EIPR1: variants seen among roughly 807,000 people sequenced by gnomAD.
EIPR1 encodes EARP and GARP complex-interacting protein 1.
Under a neutral mutation model 48.1 loss-of-function variants are expected in EIPR1, and 25 were observed. The ratio of observed to expected loss-of-function variants is 0.52; its 90% CI spans 0.38 to 0.73. The LOEUF is 0.73. Ranked by LOEUF, EIPR1 falls within the 30% of genes least tolerant of loss-of-function variation. The pLI is 0.00. For synonymous variants in EIPR1, 204 were observed against 201.9 expected (o/e 1.01, Z -0.09); for missense variants, 415 against 506.2 (o/e 0.82, Z 1.73).
chr2:3,308,166 G>A (rs554438802), intron 3 of EIPR1, among the ~76,000 whole-genome samples: 9 of 152,194 alleles, frequency 5.9e-5, no homozygotes, highest in South Asian at 2.1e-4. Flanking sequence ...AACACAGCCC[G>A]TGGAAGAAGG....
intron 3 of EIPR1, among the ~76,000 whole-genome samples, chr2:3,294,136 T>C (rs1668455546): frequency 6.6e-6 from 1 of 152,120 alleles, no homozygotes; most frequent in Non-Finnish European, 1.5e-5. Context: ...GTAGAAGTAA[T>C]ATTGTTCATT....
intron 3 of EIPR1, among the ~76,000 whole-genome samples, chr2:3,274,064 G>A (rs1283781610): frequency 2.0e-5 from 3 of 152,128 alleles, no homozygotes; most frequent in Non-Finnish European, 4.4e-5. Context: ...AGAAATAACT[G>A]GTGAGAATTA....
At chr2:3,223,980 C>T (rs1207357919) in intron 4 of EIPR1, among the ~76,000 whole-genome samples, 1 of 152,228 alleles carries the variant, frequency 6.6e-6, no homozygotes, top group Non-Finnish European at 1.5e-5. Context: ...AGAGTAGTTA[C>T]ACCTCTCTAT....
intron 3 of EIPR1, among the ~76,000 whole-genome samples, chr2:3,272,357 T>C (rs1364736556): frequency 6.6e-6 from 1 of 152,236 alleles, no homozygotes; most frequent in Non-Finnish European, 1.5e-5. Flanking sequence ...AAGGCCCGGC[T>C]CTTGGTCTAC....
chr2:3,215,546 G>A (rs2123749), intron 4 of EIPR1, among the ~76,000 whole-genome samples: 148,401 of 152,350 alleles, frequency 0.97, 72,398 homozygotes, highest in East Asian at 1. Context: ...AGCCATAAAG[G>A]GACCAAGAAT....
chr2:3,250,402 A>ACCTAATG (rs1666966703), intron 4 of EIPR1, among the ~76,000 whole-genome samples: 2 of 152,190 alleles, frequency 1.3e-5, no homozygotes, highest in Non-Finnish European at 2.9e-5. Flanking sequence ...GAAAATGTTT[A>ACCTAATG]CCTAATGCCT....
At chr2:3,272,737 CA>C (rs1435271750) in intron 3 of EIPR1, among the ~76,000 whole-genome samples, 1 of 152,092 alleles carries the variant, frequency 6.6e-6, no homozygotes, top group Non-Finnish European at 1.5e-5. Context: ...CAAAATGTGC[CA>C]CAGAGTGGGA....
chr2:3,194,650 A>G (rs1307714572), intron 6 of EIPR1, among the ~76,000 whole-genome samples: 2 of 151,566 alleles, frequency 1.3e-5, no homozygotes, highest in Non-Finnish European at 2.9e-5. Flanking sequence ...ACAACACAAA[A>G]TATCTATCTA....
chr2:3,335,875 A>C (rs1425658509), intron 3 of EIPR1, among the ~76,000 whole-genome samples: 2 of 152,196 alleles, frequency 1.3e-5, no homozygotes, highest in Non-Finnish European at 2.9e-5. Flanking sequence ...AGCCCGCAGA[A>C]CTGTGAGTCC....
At chr2:3,280,338 G>A (rs927814108) in intron 3 of EIPR1, among the ~76,000 whole-genome samples, 17 of 152,306 alleles carry the variant, frequency 1.1e-4, no homozygotes, top group East Asian at 3.9e-4. Flanking sequence ...ACTCGGACCC[G>A]GTCTCCCAAC....
At chr2:3,349,218 C>G (rs1379369867) in intron 2 of EIPR1, among the ~76,000 whole-genome samples, 3 of 152,250 alleles carry the variant, frequency 2.0e-5, no homozygotes. Context: ...CTGCCACGCA[C>G]CAGCTCCACA....
At chr2:3,236,886 G>T (rs1475839792) in intron 4 of EIPR1, among the ~76,000 whole-genome samples, 1 of 152,192 alleles carries the variant, frequency 6.6e-6, no homozygotes, top group African/African-American at 2.4e-5. Flanking sequence ...CAATTTTCAG[G>T]AAGCTTGTTG....
intron 3 of EIPR1, among the ~76,000 whole-genome samples, chr2:3,306,281 CTCTTTTCCCCCCT>C (rs1349133502): frequency 6.6e-6 from 1 of 152,192 alleles, no homozygotes; most frequent in Non-Finnish European, 1.5e-5. Flanking sequence ...TGGATTTGTT[CTCTTTTCCCCCCT>C]TCTGTTTCCC....
intron 3 of EIPR1, among the ~76,000 whole-genome samples, chr2:3,268,386 A>G (rs1667557155): frequency 6.6e-6 from 1 of 152,106 alleles, no homozygotes; most frequent in African/African-American, 2.4e-5. Flanking sequence ...CCTCCTGCCA[A>G]TCCAGCGACT....
intron 5 of EIPR1, among the ~76,000 whole-genome samples, chr2:3,206,131 C>T (rs1027823300): frequency 6.6e-6 from 1 of 152,176 alleles, no homozygotes; most frequent in African/African-American, 2.4e-5. Flanking sequence ...GGAAGAGGAT[C>T]TTGGGAGGGC....
In EIPR1 at chr2:3,284,379, C is replaced by T. The variant is rs564435464; in HGVS notation, c.260-26924G>A. ...GGAGGCCGCCCACAGGCACAGAAGG[C>T]CGCGCCACGGCTGCACGTAAGCTGG... On this transcript the variant is annotated intron_variant, in intron 3 of 8. Coordinates refer to ENST00000382125, the MANE Select transcript of EIPR1 (RefSeq NM_003310.5). Among the ~76,000 whole-genome samples the T allele has an allele frequency of 8.9e-5, 12 of 134,652 alleles. No individual in the cohort carries two copies. In the South Asian group the frequency reaches 3.2e-3, roughly 35 times the overall value. 88.3% of individuals were successfully genotyped at this position (134,652 alleles called of 152,430 possible).
chr2:3,202,190 G>A (rs958453824), intron 5 of EIPR1, among the ~76,000 whole-genome samples: 2 of 152,210 alleles, frequency 1.3e-5, no homozygotes, highest in African/African-American at 4.8e-5. Flanking sequence ...GTCCGCCTCG[G>A]CCTCCCAAAG....
intron 4 of EIPR1, among the ~76,000 whole-genome samples, chr2:3,217,190 A>C (rs1276379065): frequency 1.3e-5 from 2 of 152,204 alleles, no homozygotes; most frequent in Admixed American, 6.5e-5. Context: ...GGAAGCAAAA[A>C]TACAGGAATT....
At position 3,219,326 on chromosome 2, in the gene EIPR1, C is replaced by T. The variant is rs564954135; in HGVS notation, c.417-5078G>A. 5.5e-4 allele frequency among the ~76,000 whole-genome samples: 20 copies of T among 36,442 alleles called. 2 individuals carry two copies. In the East Asian group the frequency reaches 5.8e-3, roughly 11 times the overall value. 23.9% of individuals were successfully genotyped at this position (36,442 alleles called of 152,430 possible). On this transcript the variant is annotated intron_variant, in intron 4 of 8. Coordinates refer to ENST00000382125, the MANE Select transcript of EIPR1 (RefSeq NM_003310.5). ...CAGTGAGTCAGGTGCACACTCAACA[C>T]GACCCTGGTATAATCTAGAGCATTC...
Sources: allele counts gnomAD v4.1 joint callset (sites outside exome capture counted in the v4.1 genomes callset), GRCh38; gene constraint gnomAD v4.1.1; transcripts MANE v1.5; gene names NCBI Gene and HGNC (gene_info 2026-07-23, HGNC 2026-07-21).